Variants in PRKCA observed in about 807,000 individuals in gnomAD.
PRKCA encodes protein kinase C alpha, also known as protein kinase C alpha type.
A neutral mutation model predicts 87.0 loss-of-function variants in PRKCA; 27 were observed. The ratio of observed to expected loss-of-function variants is 0.31; its 90% CI spans 0.23 to 0.43. PRKCA has a LOEUF of 0.43. PRKCA is among the 20% of genes least tolerant of loss of function. The pLI, the probability that PRKCA is intolerant of heterozygous loss-of-function variation, is 1.00. For missense variants in PRKCA, 518 were observed against 852.3 expected, an observed-to-expected ratio of 0.61 and a Z score of 4.88; for synonymous variants, 329 against 311.1, an observed-to-expected ratio of 1.06 and a Z score of -0.61.
At position 66,688,960 on chromosome 17, in the gene PRKCA, G is replaced by A. The variant is rs2227857; in HGVS notation, c.831G>A (p.Leu277=). ...CTCCCGTCCTTGAAAGGTACAAGTT[G>A]CTTAACCAAGAAGAAGGTGAGTACT... ...MKMPASGWYK[L]LNQEEGEYYN... is the part of the protein sequence containing the mutation. Residue 277 remains leucine (L), a synonymous_variant, in exon 8 of 17, where the codon TTG becomes TTA. Transcript: ENST00000413366. The A allele has an allele frequency of 0.34, 539,788 of 1,590,964 alleles. 95,976 individuals carry two copies. Among genetic ancestry groups the A allele is most frequent in the Middle Eastern group, 0.38 (2,263 of 6,012 alleles).
At position 66,713,998 on chromosome 17, in the gene PRKCA, C is replaced by T. The variant is rs139282495; in HGVS notation, c.919-18690C>T. Among the ~76,000 whole-genome samples the T allele has an allele frequency of 7.9e-4, 121 of 152,264 alleles. 3 individuals carry two copies. The East Asian group carries it at 0.022, about 28-fold the overall frequency. On this transcript the variant is annotated intron_variant, in intron 8 of 16. Coordinates refer to ENST00000413366, the MANE Select transcript of PRKCA (RefSeq NM_002737.3). ...TCACATTCCCCCAGGTGCTCACAGC[C>T]TGTAGATACCCTTAGGGTCACAATA...
chr17:66,502,823 T>C (rs1916799905), intron 3 of PRKCA, among the ~76,000 whole-genome samples: 1 of 149,660 alleles, frequency 6.7e-6, no homozygotes, highest in South Asian at 2.1e-4. Context: ...CCTGGCTAAT[T>C]TTTTTTTTTG....
intron 3 of PRKCA, among the ~76,000 whole-genome samples, chr17:66,602,402 A>C (rs1970069092): frequency 6.7e-6 from 1 of 148,822 alleles, no homozygotes; most frequent in African/African-American, 2.5e-5. Flanking sequence ...TTCCCAGGTG[A>C]GGCAATGCCT....
intron 13 of PRKCA, among the ~76,000 whole-genome samples, chr17:66,770,343 G>A (rs1974906471): frequency 6.6e-6 from 1 of 152,208 alleles, no homozygotes; most frequent in Admixed American, 6.5e-5. Flanking sequence ...GTAAACATTT[G>A]TTCAGACACT....
intron 13 of PRKCA, among the ~76,000 whole-genome samples, chr17:66,754,427 C>A (rs1246682846): frequency 6.6e-6 from 1 of 152,088 alleles, no homozygotes; most frequent in East Asian, 1.9e-4. Context: ...CTGCCACCTC[C>A]CCACTGTGCG....
intron 2 of PRKCA, chr17:66,415,603 A>T (rs1409964041): frequency 6.6e-6 from 1 of 152,200 alleles, no homozygotes; most frequent in African/African-American, 2.4e-5. Flanking sequence ...TTCCACAAAG[A>T]TCAAAGATAT....
intron 3 of PRKCA, among the ~76,000 whole-genome samples, chr17:66,534,240 A>T (rs573653867): frequency 2.6e-5 from 4 of 152,094 alleles, no homozygotes; most frequent in Admixed American, 2.6e-4. Flanking sequence ...TAGCAGGCGG[A>T]ATTGGGGTCT....
chr17:66,462,536 TTTTC>T (rs1914898813), intron 2 of PRKCA, among the ~76,000 whole-genome samples: 1 of 152,216 alleles, frequency 6.6e-6, no homozygotes, highest in Non-Finnish European at 1.5e-5. Context: ...TCTGTGAACG[TTTTC>T]ATTGTATAAA....
At chr17:66,455,193 C>T (rs1914527476) in intron 2 of PRKCA, among the ~76,000 whole-genome samples, 1 of 152,220 alleles carries the variant, frequency 6.6e-6, no homozygotes, top group Non-Finnish European at 1.5e-5. Flanking sequence ...CACGAACTGA[C>T]TTTCATTCAC....
At chr17:66,783,703 T>G (rs865877359) in intron 14 of PRKCA, among the ~76,000 whole-genome samples, 1 of 152,214 alleles carries the variant, frequency 6.6e-6, no homozygotes, top group South Asian at 2.1e-4. Flanking sequence ...GAGGAGAAGC[T>G]TCTCACTACC....
At chr17:66,354,887 T>A (rs1336247677) in intron 2 of PRKCA, among the ~76,000 whole-genome samples, 1 of 152,228 alleles carries the variant, frequency 6.6e-6, no homozygotes. Flanking sequence ...TATCTTCTAG[T>A]ACAATCAGGG....
chr17:66,709,214 T>C (rs1054230730), intron 8 of PRKCA, among the ~76,000 whole-genome samples: 5 of 152,012 alleles, frequency 3.3e-5, no homozygotes, highest in African/African-American at 9.7e-5. Context: ...TCACTGCTTA[T>C]GAAGTTGGGG....
At chr17:66,427,760 G>A (rs906583490) in intron 2 of PRKCA, among the ~76,000 whole-genome samples, 2 of 152,192 alleles carry the variant, frequency 1.3e-5, no homozygotes, top group African/African-American at 4.8e-5. Flanking sequence ...ATGTGGTGGT[G>A]AAAAGCCAAG....
intron 8 of PRKCA, among the ~76,000 whole-genome samples, chr17:66,692,041 G>T (rs1972797846): frequency 6.6e-6 from 1 of 152,216 alleles, no homozygotes; most frequent in African/African-American, 2.4e-5. Flanking sequence ...CTGGTCAGAG[G>T]CCGCAGGGCT....
chr17:66,459,850 A>G (rs1042187145), intron 2 of PRKCA, among the ~76,000 whole-genome samples: 1 of 151,932 alleles, frequency 6.6e-6, no homozygotes, highest in Non-Finnish European at 1.5e-5. Context: ...ATTTTTTAGT[A>G]CTTCCAAGTG....
At chr17:66,716,006 G>A (rs1167308369) in intron 8 of PRKCA, among the ~76,000 whole-genome samples, 1 of 152,190 alleles carries the variant, frequency 6.6e-6, no homozygotes, top group Non-Finnish European at 1.5e-5. Context: ...ATAGAGATGA[G>A]ATCACCACCT....
chr17:66,342,565 A>G (rs1338563317), intron 2 of PRKCA, among the ~76,000 whole-genome samples: 1 of 151,680 alleles, frequency 6.6e-6, no homozygotes, highest in Non-Finnish European at 1.5e-5. Flanking sequence ...ATGCCAAGCA[A>G]GGGAATTATG....
intron 3 of PRKCA, among the ~76,000 whole-genome samples, chr17:66,612,349 C>A (rs1340537836): frequency 6.9e-6 from 1 of 144,714 alleles, no homozygotes; most frequent in African/African-American, 2.6e-5. Flanking sequence ...CCATTGCGCT[C>A]CAGCCTGGGC....
chr17:66,733,681 A>G (rs1295160074), intron 9 of PRKCA, among the ~76,000 whole-genome samples: 4 of 152,174 alleles, frequency 2.6e-5, no homozygotes, highest in Admixed American at 6.5e-5. Context: ...GATCCCAGCT[A>G]CTCGGGAAGC....
Sources: allele counts gnomAD v4.1 joint callset (sites outside exome capture counted in the v4.1 genomes callset), GRCh38; gene constraint gnomAD v4.1.1; transcripts MANE v1.5; gene names NCBI Gene and HGNC (gene_info 2026-07-23, HGNC 2026-07-21).